The following CIT variants were observed in gnomAD, a reference collection of about 807,000 sequenced individuals.
CIT encodes the protein citron Rho-interacting kinase.
CIT carries 79 observed loss-of-function variants against 272.7 expected under a neutral mutation model. That is an observed-to-expected ratio of 0.29 (90% CI 0.24 to 0.35). CIT has a LOEUF of 0.35. Ranked by LOEUF, CIT falls within the 10% of genes least tolerant of loss-of-function variation. The probability of loss-of-function intolerance (pLI) is 1.00; values close to 1 mark genes in which losing one functional copy is unlikely to be tolerated. For synonymous variants in CIT, 948 were observed against 995.6 expected (o/e 0.95, Z 0.90); for missense variants, 1,909 against 2,618.3 (o/e 0.73, Z 5.91).
intron 19 of CIT, among the ~76,000 whole-genome samples, chr12:119,762,755 G>A (rs1272341996): frequency 6.6e-6 from 1 of 152,178 alleles, no homozygotes; most frequent in Non-Finnish European, 1.5e-5. Context: ...GTATGCACTA[G>A]GCCAGGCATG....
intron 39 of CIT, among the ~76,000 whole-genome samples, chr12:119,709,762 AAGAGAGAG>A (rs764752861): frequency 8.3e-6 from 1 of 120,498 alleles, no homozygotes; most frequent in African/African-American, 3.5e-5. Context: ...TGGTTCAGGA[AAGAGAGAG>A]AGAGAGAGAG....
intron 4 of CIT, among the ~76,000 whole-genome samples, chr12:119,855,946 T>C (rs1401845995): frequency 2.6e-5 from 4 of 152,222 alleles, no homozygotes; most frequent in African/African-American, 9.6e-5. Context: ...TCAGGTAGTA[T>C]GAACTGATGA....
chr12:119,733,395 A>G lies in CIT; in HGVS notation c.3350+769T>C, dbSNP rs1396030036. On this transcript the variant is annotated intron_variant, in intron 26 of 47. Transcript: ENST00000392521. The stretch of plus-strand genomic sequence containing the variant: ...AATACAAAAAAAAAATTAGCCGGGC[A>G]TAGTGGTGCACACCTGTATTCCCAG... Among the ~76,000 whole-genome samples the G allele has an allele frequency of 5.3e-5, 8 of 151,680 alleles. No individual in the cohort carries two copies. In the East Asian group the frequency reaches 1.5e-3, roughly 29 times the overall value.
At chr12:119,788,071 C>T (rs1013157776) in intron 10 of CIT, among the ~76,000 whole-genome samples, 3 of 152,184 alleles carry the variant, frequency 2.0e-5, no homozygotes, top group Non-Finnish European at 4.4e-5. Context: ...GCTGAATTTG[C>T]TGTGTGCTAT....
At chr12:119,871,728 G>C (rs1950685392) in intron 2 of CIT, among the ~76,000 whole-genome samples, 1 of 152,098 alleles carries the variant, frequency 6.6e-6, no homozygotes, top group African/African-American at 2.4e-5. Context: ...GTAGTGCCAT[G>C]GTCCTGTAGT....
chr12:119,779,037 T>C (rs1964049736), intron 13 of CIT, among the ~76,000 whole-genome samples: 2 of 152,060 alleles, frequency 1.3e-5, no homozygotes, highest in Non-Finnish European at 2.9e-5. Context: ...CTGGCCAACA[T>C]AGTGAAACCC....
chr12:119,825,287 T>G lies in CIT; in HGVS notation c.835A>C (p.Thr279Pro), dbSNP rs762849714. Residue 279 changes from threonine (T) to proline (P), a missense_variant, in exon 8 of 48, where the codon ACC becomes CCC. Transcript: ENST00000392521. ...LTVMNGDGKG[T>P]YGLDCDWWSV... ...CACCAGTCACAGTCCAGGCCGTAGG[T>G]GCCTTTTCCATCCCCGTTCATCACA... is the stretch of plus-strand genomic sequence containing the variant. 3.8e-5 allele frequency: 61 copies of G among 1,613,972 alleles called. No homozygotes were observed. The highest frequency in any genetic ancestry group is 5.1e-5 in the Non-Finnish European group (60 of 1,180,012).
At chr12:119,776,225 A>T (rs1963732711) in intron 15 of CIT, 133 bp downstream of exon 15, 1 of 747,992 alleles carries the variant, frequency 1.3e-6, no homozygotes, top group Non-Finnish European at 2.3e-6. Context: ...GTGGACTATC[A>T]AAATAAGCCT....
intron 7 of CIT, among the ~76,000 whole-genome samples, chr12:119,830,165 T>C (rs1437868190): frequency 2.0e-5 from 3 of 150,694 alleles, no homozygotes; most frequent in Non-Finnish European, 4.4e-5. Context: ...TTGCACTTAA[T>C]GCAAAAAATT....
intron 4 of CIT, among the ~76,000 whole-genome samples, chr12:119,850,557 G>A (rs995358601): frequency 1.3e-5 from 2 of 152,066 alleles, no homozygotes; most frequent in African/African-American, 4.8e-5. Context: ...ACTTAGCCCA[G>A]AATTGCATAA....
In CIT at chr12:119,713,411, G is replaced by C; in HGVS notation, c.4487+57C>G. The C allele has an allele frequency of 7.5e-6, 12 of 1,599,886 alleles. 1 individual carries two copies. The South Asian group carries it at 8.9e-5, about 12-fold the overall frequency. The stretch of plus-strand genomic sequence containing the variant: ...AAAGACACTTCCCTAGAAAACATCA[G>C]GGACAGAGTGGCTTGTGCCAGCACC... On this transcript the variant is annotated intron_variant, in intron 34 of 47. Transcript: ENST00000392521. This position sits in a 1 kb window ranked among gnomAD's most constrained non-coding sequence, Gnocchi z 5.2.
At chr12:119,772,697 C>T in intron 17 of CIT, 73 bp downstream of exon 17, 1 of 1,453,176 alleles carries the variant, frequency 6.9e-7, no homozygotes, top group East Asian at 2.4e-5. Flanking sequence ...AAGTGATGGT[C>T]TGGCAGTTTC....
intron 7 of CIT, among the ~76,000 whole-genome samples, chr12:119,829,463 G>A (rs1413480834): frequency 6.6e-6 from 1 of 152,140 alleles, no homozygotes; most frequent in African/African-American, 2.4e-5. Context: ...TAGGGCATAA[G>A]CATATACCTG....
chr12:119,727,380 A>C (rs1958170376), intron 28 of CIT, among the ~76,000 whole-genome samples: 1 of 152,206 alleles, frequency 6.6e-6, no homozygotes, highest in Non-Finnish European at 1.5e-5. Flanking sequence ...GCACATTCTC[A>C]CTTACAAGTG....
At chr12:119,742,371 TTCA>T (rs1959101168) in intron 24 of CIT, 37 bp downstream of exon 24, 1 of 1,490,738 alleles carries the variant, frequency 6.7e-7, no homozygotes, top group Non-Finnish European at 9.1e-7. Flanking sequence ...CTGTTTTAGT[TTCA>T]TGTTATTTTA....
At position 119,752,084 on chromosome 12, in the gene CIT, G is replaced by T; in HGVS notation, c.2870C>A (p.Thr957Lys). 1 of 1,612,584 alleles carries T rather than the reference G, an allele frequency of 6.2e-7. No individual in the cohort carries two copies. ...RQAKTELEETTAEAEEEIQAL... is the reference protein window; with the variant it reads ...RQAKTELEETKAEAEEEIQAL... ...CTGGATCTCCTCTTCAGCTTCTGCT[G>T]TGGTCTCTTCCAGCTCTGTCTTCGC... The change falls in exon 23 of 48, where the codon ACA (threonine) becomes AAA (lysine). Residue 957 changes from threonine to lysine, a missense_variant. Physicochemically the swap from Thr to Lys is moderately conservative, Grantham distance 78. Transcript: ENST00000392521.
Position 119,688,106 on chromosome 12 carries a change from C to G in CIT, c.*126G>C. The G allele has an allele frequency of 9.6e-7, 1 of 1,045,492 alleles. No individual in the cohort carries two copies. Among genetic ancestry groups the G allele is most frequent in the Admixed American group, 1.8e-5 (1 of 56,824 alleles). 64.8% of individuals were successfully genotyped at this position (1,045,492 alleles called of 1,614,324 possible). ...CAGGGGTGTCCGTGCCGAGGTGGGT[C>G]TGGGCCCCGCTGAGCCAGAGGGTGG... On this transcript the variant is annotated 3_prime_UTR_variant, in exon 48 of 48. Transcript: ENST00000392521.
At chr12:119,745,967 T>C (rs1959334940) in intron 23 of CIT, among the ~76,000 whole-genome samples, 1 of 152,206 alleles carries the variant, frequency 6.6e-6, no homozygotes, top group South Asian at 2.1e-4. Flanking sequence ...AAAATCTACC[T>C]GCTTTTTGCC....
intron 26 of CIT, among the ~76,000 whole-genome samples, chr12:119,731,525 G>A (rs1043924781): frequency 1.3e-5 from 2 of 149,920 alleles, no homozygotes; most frequent in East Asian, 3.9e-4. Flanking sequence ...AATCTGATGA[G>A]TGTCTCCATA....
Sources: allele counts gnomAD v4.1 joint callset (sites outside exome capture counted in the v4.1 genomes callset), GRCh38; gene constraint gnomAD v4.1.1; non-coding constraint Gnocchi (gnomAD v3.1); transcripts MANE v1.5; gene names NCBI Gene and HGNC (gene_info 2026-07-23, HGNC 2026-07-21).